The following MYO18B variants were observed in gnomAD, a reference collection of about 807,000 sequenced individuals.
The protein encoded by MYO18B is myosin XVIIIB.
A neutral mutation model predicts 273.0 loss-of-function variants in MYO18B; 204 were observed. The observed-to-expected ratio is 0.75, with a 90% CI of 0.67 to 0.84. The LOEUF (loss-of-function observed/expected upper bound fraction) is 0.84, where lower values mean the gene tolerates loss of function less well. Among genes scored for constraint, MYO18B ranks in the 40% least tolerant of loss-of-function variants. MYO18B has a pLI of 0.00. For synonymous variants in MYO18B, 1,330 were observed against 1,305.7 expected (o/e 1.02, Z -0.40); for missense variants, 3,212 against 3,287.6 (o/e 0.98, Z 0.56).
intron 12 of MYO18B, among the ~76,000 whole-genome samples, chr22:25,809,340 C>A (rs1480296593): frequency 1.3e-5 from 2 of 152,144 alleles, no homozygotes; most frequent in African/African-American, 4.8e-5. Flanking sequence ...GCCTCCTGTC[C>A]CTCACCACTT....
chr22:26,026,340 A>C, intron 42 of MYO18B, 105 bp from the exon 43 acceptor site: 1 of 1,336,820 alleles, frequency 7.5e-7, no homozygotes, highest in Non-Finnish European at 1.0e-6. Context: ...TGGTATTTCC[A>C]AAGAAAAATA....
the MYO18B span, among the ~76,000 whole-genome samples, chr22:26,041,484 AC>A: frequency 6.6e-6 from 1 of 152,114 alleles, no homozygotes; most frequent in Non-Finnish European, 1.5e-5. Flanking sequence ...GGGAACCAAG[AC>A]TGTGCCACTG....
intron 25 of MYO18B, among the ~76,000 whole-genome samples, chr22:25,887,640 G>A (rs758923226): frequency 2.0e-5 from 3 of 152,002 alleles, no homozygotes; most frequent in Admixed American, 1.3e-4. Flanking sequence ...ATTTGCAATC[G>A]CCTGACAGCT....
intron 12 of MYO18B, among the ~76,000 whole-genome samples, chr22:25,817,389 C>T (rs12169579): frequency 3.2e-5 from 4 of 123,390 alleles, no homozygotes; most frequent in African/African-American, 7.1e-5. Flanking sequence ...CTCCCTCCCT[C>T]CCTCCCTTCC....
chr22:26,055,914 TA>T, the MYO18B span, among the ~76,000 whole-genome samples: 1 of 152,258 alleles, frequency 6.6e-6, no homozygotes, highest in South Asian at 2.1e-4. Flanking sequence ...CTGGAGGAAC[TA>T]ATCCTACGCC....
chr22:25,906,305 T>TA (rs1192192210), intron 31 of MYO18B, among the ~76,000 whole-genome samples: 3 of 150,320 alleles, frequency 2.0e-5, no homozygotes, highest in African/African-American at 7.3e-5. Flanking sequence ...ATATTATAGT[T>TA]ACTTGCTCAG....
At chr22:25,921,738 G>GTGTA (rs1444120358) in intron 34 of MYO18B, among the ~76,000 whole-genome samples, 1 of 140,438 alleles carries the variant, frequency 7.1e-6, no homozygotes. Flanking sequence ...GTGTGTGTGT[G>GTGTA]TGTATGTGTA....
Position 25,777,618 on chromosome 22 carries a change from C to T in MYO18B, c.1905C>T (p.His635=), listed in dbSNP as rs1279884388. ...PKGRRDGLPA[H]IGSMAQRAYW... ...GCCGCCGGGATGGCCTGCCTGCCCA[C>T]ATTGGCTCCATGGCACAGCGGGCAT... The change falls in exon 8 of 44, where the codon CAC becomes CAT. Residue 635 remains histidine (H), a synonymous_variant. Coordinates refer to ENST00000335473, the MANE Select transcript of MYO18B (RefSeq NM_032608.7). 1 of 1,605,968 alleles carries T rather than the reference C, an allele frequency of 6.2e-7. No individual in the cohort carries two copies. Among genetic ancestry groups the T allele is most frequent in the Admixed American group, 1.7e-5 (1 of 58,744 alleles).
At chr22:25,943,420 T>C (rs1275299777) in intron 34 of MYO18B, among the ~76,000 whole-genome samples, 1 of 152,132 alleles carries the variant, frequency 6.6e-6, no homozygotes, top group Non-Finnish European at 1.5e-5. Context: ...CAGAGGGAGA[T>C]TAGGCCACCT....
intron 39 of MYO18B, among the ~76,000 whole-genome samples, chr22:25,990,235 G>A (rs752270834): frequency 1.3e-5 from 2 of 152,112 alleles, no homozygotes; most frequent in African/African-American, 4.8e-5. Flanking sequence ...TCCCTGTAAT[G>A]GTCCTCGCTG....
At chr22:26,035,948 G>A (rs1192310052), downstream of MYO18B, among the ~76,000 whole-genome samples, 1 of 152,310 alleles carries the variant, frequency 6.6e-6, no homozygotes, top group Non-Finnish European at 1.5e-5. Flanking sequence ...AAGTTTCAGA[G>A]GCCCTCTCCA....
At chr22:25,755,596 G>A (rs1444987347) in intron 1 of MYO18B, among the ~76,000 whole-genome samples, 1 of 152,218 alleles carries the variant, frequency 6.6e-6, no homozygotes, top group African/African-American at 2.4e-5. Context: ...CCGCAGTGTT[G>A]GAGGTGGGAC....
rs899242976 is a variant in MYO18B at position 25,932,837 on chromosome 22, TTG to T, written c.5517+11430_5517+11431del. On this transcript the variant is annotated intron_variant, in intron 34 of 43. Coordinates refer to ENST00000335473, the MANE Select transcript of MYO18B (RefSeq NM_032608.7). ...GCTGGTGAGCAAAGAATTTTTTTTT[TTG>T]TTTTTAAATGGTTACATTTAAGGTG... 5.0e-4 allele frequency among the ~76,000 whole-genome samples: 76 copies of T among 151,922 alleles called. 1 individual carries two copies. The highest frequency in any genetic ancestry group is 4.9e-3 in the East Asian group (25 of 5,084).
At chr22:25,931,141 T>A (rs2092493819) in intron 34 of MYO18B, among the ~76,000 whole-genome samples, 1 of 152,028 alleles carries the variant, frequency 6.6e-6, no homozygotes, top group Non-Finnish European at 1.5e-5. Context: ...AGAGCCTTTT[T>A]TAAAACGATT....
At chr22:25,970,754 G>T (rs1428457270) in intron 39 of MYO18B, among the ~76,000 whole-genome samples, 1 of 152,202 alleles carries the variant, frequency 6.6e-6, no homozygotes, top group Non-Finnish European at 1.5e-5. Context: ...GGAAGATGAT[G>T]TGGTTGATGC....
intron 42 of MYO18B, among the ~76,000 whole-genome samples, chr22:26,025,889 A>C (rs1232840145): frequency 6.6e-6 from 1 of 152,206 alleles, no homozygotes; most frequent in East Asian, 1.9e-4. Context: ...TCTTGGTTTT[A>C]AGTTGATTTC....
Position 25,891,284 on chromosome 22 carries a change from C to T in MYO18B, c.4435-20C>T. The T allele has an allele frequency of 6.7e-7, 1 of 1,499,474 alleles. No individual in the cohort carries two copies. 92.9% of individuals were successfully genotyped at this position (1,499,474 alleles called of 1,614,324 possible). The stretch of plus-strand genomic sequence containing the variant: ...GTCTTCTGTCCAGCTCTAGTTTAGA[C>T]CTTGAGCCCTTTCTTCTAGAGCAAG... On this transcript the variant is annotated intron_variant, in intron 26 of 43. Coordinates refer to ENST00000335473, the MANE Select transcript of MYO18B (RefSeq NM_032608.7).
chr22:25,937,874 C>T (rs2092599739), intron 34 of MYO18B, among the ~76,000 whole-genome samples: 3 of 152,040 alleles, frequency 2.0e-5, no homozygotes, highest in African/African-American at 4.8e-5. Context: ...TGTGAGCCAC[C>T]GCTCCCGGCC....
chr22:26,017,962 G>GTTTTTTT lies in MYO18B; in HGVS notation c.6471-8479_6471-8478insTTTTTTT, dbSNP rs1339313323. Reference sequence around the variant, plus strand: ...ATCACCACCCAGCTCCAATTTTACTGTTTTGTTTTTTTTTTTTTTTTTTTT... The same window carrying GTTTTTTT: ...ATCACCACCCAGCTCCAATTTTACTGTTTTTTTTTTTGTTTTTTTTTTTTTTTTTTTT... On this transcript the variant is annotated intron_variant, in intron 42 of 43. Coordinates refer to ENST00000335473, the MANE Select transcript of MYO18B (RefSeq NM_032608.7). 6.0e-5 allele frequency among the ~76,000 whole-genome samples: 7 copies of GTTTTTTT among 117,530 alleles called. 1 individual carries two copies. Among genetic ancestry groups the GTTTTTTT allele is most frequent in the African/African-American group, 6.7e-5 (2 of 29,834 alleles). The allele number at this position is 117,530 out of a possible 152,430, so 77.1% of individuals were successfully genotyped here. A position where few individuals can be genotyped will look rare whatever the true frequency, so the allele number is the denominator to read the frequency against.
Sources: allele counts gnomAD v4.1 joint callset (sites outside exome capture counted in the v4.1 genomes callset), GRCh38; gene constraint gnomAD v4.1.1; transcripts MANE v1.5; gene names NCBI Gene and HGNC (gene_info 2026-07-23, HGNC 2026-07-21).